Variants in DMRTB1 observed in about 807,000 individuals in gnomAD.
DMRTB1 encodes doublesex- and mab-3-related transcription factor B1.
A neutral mutation model predicts 25.2 loss-of-function variants in DMRTB1; 9 were observed. The observed-to-expected ratio is 0.36, with a 90% confidence interval of 0.22 to 0.62. The LOEUF (loss-of-function observed/expected upper bound fraction) is 0.62. DMRTB1 is among the 20% of genes least tolerant of loss of function. The pLI, the probability that DMRTB1 is intolerant of heterozygous loss-of-function variation, is 0.71. For missense variants in DMRTB1, 551 were observed against 499.3 expected (o/e 1.10, Z -0.99); for synonymous variants, 269 against 238.1 (o/e 1.13, Z -1.20).
chr1:53,466,766 A>G lies in DMRTB1; in HGVS notation c.*104A>G. The G allele has an allele frequency of 8.6e-7, 1 of 1,162,616 alleles. No individual in the cohort carries two copies. Among genetic ancestry groups the G allele is most frequent in the Non-Finnish European group, 1.3e-6 (1 of 789,776 alleles). 72.0% of individuals were successfully genotyped at this position (1,162,616 alleles called of 1,614,324 possible). Reference sequence around the variant, plus strand: ...ATATGTAGGGAGGAAGGAGGTTGATAGCATAGATGGCAACTGATTCCCAGT... The same window carrying G: ...ATATGTAGGGAGGAAGGAGGTTGATGGCATAGATGGCAACTGATTCCCAGT... On this transcript the variant is annotated 3_prime_UTR_variant, in exon 4 of 4. Coordinates refer to ENST00000371445, the MANE Select transcript of DMRTB1 (RefSeq NM_033067.3).
intron 3 of DMRTB1, among the ~76,000 whole-genome samples, chr1:53,466,370 A>C (rs142741634): frequency 0.016 from 2,425 of 152,292 alleles, 55 homozygotes; most frequent in African/African-American, 0.055. Context: ...GGGTGCCTGT[A>C]ATCCCAGCTA....
rs541348364 is a variant in DMRTB1 at position 53,459,979 on chromosome 1, G to A, written c.526G>A (p.Asp176Asn). ...AGGCAGTGGCTACCCTGGCCCCCTAGACCTGCGCAGGCCGATGCGGACCGT... is the reference window on the plus strand; with the variant it reads ...AGGCAGTGGCTACCCTGGCCCCCTAAACCTGCGCAGGCCGATGCGGACCGT... ...AAGSGYPGPL[D>N]LRRPMRTVPG... Residue 176 changes from aspartate to asparagine, a missense_variant, in exon 1 of 4, where the codon GAC becomes AAC. Coordinates refer to ENST00000371445, the MANE Select transcript of DMRTB1 (RefSeq NM_033067.3). The A allele has an allele frequency of 1.3e-6, 2 of 1,585,120 alleles. No homozygotes were observed. The highest frequency in any genetic ancestry group is 4.6e-5 in the East Asian group (2 of 43,648).
chr1:53,460,539 C>T (rs1353162296), intron 1 of DMRTB1: 3 of 153,336 alleles, frequency 2.0e-5, no homozygotes, highest in African/African-American at 7.2e-5. Flanking sequence ...CGCACCTCTT[C>T]CCTCCGTTTC....
chr1:53,464,643 G>A lies in DMRTB1; in HGVS notation c.757G>A (p.Glu253Lys). 1.9e-6 allele frequency: 3 copies of A among 1,613,396 alleles called. No individual in the cohort carries two copies. The South Asian group carries it at 3.3e-5, about 18-fold the overall frequency. Residue 253 changes from glutamate (E) to lysine (K), a missense_variant, in exon 3 of 4, where the codon GAA becomes AAA. Transcript: ENST00000371445. ...SQYQGGGLVS[E>K]PGGDFQPSYY... is the part of the protein sequence containing the mutation. ...TGCTGTGTGTGCCGTGCAGGTGTCA[G>A]AACCAGGAGGAGACTTCCAGCCAAG...
At chr1:53,460,768 C>G (rs1218019442) in intron 1 of DMRTB1, among the ~76,000 whole-genome samples, 1 of 152,200 alleles carries the variant, frequency 6.6e-6, no homozygotes. Context: ...TGGTGTCTCC[C>G]CCGTGGTGGT....
In DMRTB1 at chr1:53,460,267, T is replaced by C. The variant is rs532515910; in HGVS notation, c.577+237T>C. On this transcript the variant is annotated intron_variant, in intron 1 of 3. Coordinates refer to ENST00000371445, the MANE Select transcript of DMRTB1 (RefSeq NM_033067.3). ...GAGGGCTTTTAACATTTAGCTGTAGTTTGTGCCATTCCGGCATGCAAGAAC... is the reference window on the plus strand; with the variant it reads ...GAGGGCTTTTAACATTTAGCTGTAGCTTGTGCCATTCCGGCATGCAAGAAC... The C allele has an allele frequency of 2.9e-4, 149 of 515,084 alleles. 1 individual carries two copies. Among genetic ancestry groups the C allele is most frequent in the African/African-American group, 2.8e-3 (138 of 49,236 alleles). The allele number at this position is 515,084 out of a possible 1,614,324, so 31.9% of individuals were successfully genotyped here. A position where few individuals can be genotyped will look rare whatever the true frequency, so the allele number is the denominator to read the frequency against.
Position 53,459,975 on chromosome 1 carries a change from C to G in DMRTB1, c.522C>G (p.Pro174=), listed in dbSNP as rs1215755817. ...AEAAGSGYPG[P]LDLRRPMRTV... ...CCGCAGGCAGTGGCTACCCTGGCCC[C>G]CTAGACCTGCGCAGGCCGATGCGGA... Residue 174 remains proline, a synonymous_variant, in exon 1 of 4, where the codon CCC becomes CCG. Coordinates refer to ENST00000371445, the MANE Select transcript of DMRTB1 (RefSeq NM_033067.3). 6.3e-7 allele frequency: 1 copy of G among 1,584,498 alleles called. No individual in the cohort carries two copies. Among genetic ancestry groups the G allele is most frequent in the Admixed American group, 1.7e-5 (1 of 59,258 alleles).
In DMRTB1 at chr1:53,459,497, G is replaced by A; in HGVS notation, c.44G>A (p.Arg15Lys). 1 of 1,613,276 alleles carries A rather than the reference G, an allele frequency of 6.2e-7. No homozygotes were observed. Among genetic ancestry groups the A allele is most frequent in the Non-Finnish European group, 8.5e-7 (1 of 1,180,026 alleles). The change falls in exon 1 of 4, where the codon AGG (arginine) becomes AAG (lysine). Residue 15 changes from arginine (R) to lysine (K), a missense_variant. Arg to Lys is a conservative substitution (Grantham distance 26). Transcript: ENST00000371445. ...MVRTPKCSRC[R>K]NHGFLVPVKG... ...CGCACCCCCAAGTGCTCGAGATGCA[G>A]GAACCATGGCTTCCTGGTGCCCGTC...
chr1:53,466,489 T>G, intron 3 of DMRTB1, 106 bp from the exon 4 acceptor site: 1 of 1,177,050 alleles, frequency 8.5e-7, no homozygotes, highest in Non-Finnish European at 1.2e-6. Context: ...AGACTCTGTC[T>G]CAAAAAAATT....
At chr1:53,463,518 C>T (rs1456988970) in intron 2 of DMRTB1, among the ~76,000 whole-genome samples, 1 of 152,204 alleles carries the variant, frequency 6.6e-6, no homozygotes, top group African/African-American at 2.4e-5. Flanking sequence ...TAAGGCGATG[C>T]ATGTAAAATA....
intron 3 of DMRTB1, among the ~76,000 whole-genome samples, 194 bp downstream of exon 3, chr1:53,465,041 G>A (rs929650570): frequency 6.6e-6 from 1 of 152,212 alleles, no homozygotes; most frequent in African/African-American, 2.4e-5. Context: ...AGGTGGGAAT[G>A]GGATTCCAGG....
chr1:53,461,558 G>T lies in DMRTB1; in HGVS notation c.663G>T (p.Pro221=). The change falls in exon 2 of 4, where the codon CCG becomes CCT. Residue 221 remains proline (P), a synonymous_variant. Coordinates refer to ENST00000371445, the MANE Select transcript of DMRTB1 (RefSeq NM_033067.3). ...GCATGCACCCCTACTGCCCGTTCCC[G>T]CTGGGCTACCTGGACGCCCCTCCTG... ...GSSMHPYCPF[P]LGYLDAPPGV... is the part of the protein sequence containing the mutation. 6.2e-7 allele frequency: 1 copy of T among 1,611,816 alleles called. No homozygotes were observed. The highest frequency in any genetic ancestry group is 8.5e-7 in the Non-Finnish European group (1 of 1,179,098).
In DMRTB1 at chr1:53,466,674, G is replaced by A. The variant is rs375771195; in HGVS notation, c.*12G>A. 45 of 1,613,646 alleles carry A rather than the reference G, an allele frequency of 2.8e-5. No homozygotes were observed. The highest frequency in any genetic ancestry group is 5.0e-5 in the Admixed American group (3 of 59,914). Reference sequence around the variant, plus strand: ...AGCAGTCCGACTAGGCCCCAGGCCCGCCCTCCTGGCCAGCAGAGTGGGGCA... The same window carrying A: ...AGCAGTCCGACTAGGCCCCAGGCCCACCCTCCTGGCCAGCAGAGTGGGGCA... On this transcript the variant is annotated 3_prime_UTR_variant, in exon 4 of 4. Coordinates refer to ENST00000371445, the MANE Select transcript of DMRTB1 (RefSeq NM_033067.3).
At chr1:53,461,187 C>G (rs1173606798) in intron 1 of DMRTB1, among the ~76,000 whole-genome samples, 1 of 152,192 alleles carries the variant, frequency 6.6e-6, no homozygotes, top group Non-Finnish European at 1.5e-5. Context: ...AGGAGCTCGG[C>G]ACTGAGGCCT....
intron 3 of DMRTB1, among the ~76,000 whole-genome samples, 182 bp from the exon 4 acceptor site, chr1:53,466,413 C>A (rs970560276): frequency 5.3e-5 from 8 of 152,166 alleles, no homozygotes; most frequent in African/African-American, 1.7e-4. Context: ...ATTGCTTGAA[C>A]CTGGGAGGTG....
rs936609114 is a variant in DMRTB1, at chr1:53,459,730, G to T, written c.277G>T (p.Ala93Ser). ...AAPAPVPVPA[A>S]SLRPLSPGTP... ...CCCCGCCCCCGTCCCCGTCCCGGCC[G>T]CGAGCCTCCGCCCGCTGTCCCCGGG... Residue 93 changes from alanine (A) to serine (S), a missense_variant, in exon 1 of 4, where the codon GCG (alanine) becomes TCG (serine). Transcript: ENST00000371445. 3.8e-5 allele frequency: 51 copies of T among 1,329,872 alleles called. No individual in the cohort carries two copies. Among genetic ancestry groups the T allele is most frequent in the Non-Finnish European group, 4.7e-5 (49 of 1,041,208 alleles). 82.4% of individuals were successfully genotyped at this position (1,329,872 alleles called of 1,614,324 possible).
At chr1:53,465,240 G>A (rs775343414) in intron 3 of DMRTB1, among the ~76,000 whole-genome samples, 7 of 152,188 alleles carry the variant, frequency 4.6e-5, no homozygotes, top group Non-Finnish European at 1.0e-4. Flanking sequence ...CTCTCTAGCT[G>A]GGGTAGGGGA....
Position 53,466,646 on chromosome 1 carries a change from AG to A in DMRTB1, c.1015del (p.Glu339SerfsTer31), listed in dbSNP as rs1644051780. 13 of 1,614,222 alleles carry A rather than the reference AG, an allele frequency of 8.1e-6. No homozygotes were observed. Among genetic ancestry groups the A allele is most frequent in the Non-Finnish European group, 1.1e-5 (13 of 1,180,044 alleles). ...LSGEPSQPSS[Q>X]EQSD is the part of the protein sequence containing the mutation. Reference sequence around the variant, plus strand: ...GGTGAGCCCAGCCAGCCATCGTCTCAGGAGCAGTCCGACTAGGCCCCAGGCC... The same window carrying A: ...GGTGAGCCCAGCCAGCCATCGTCTCAGAGCAGTCCGACTAGGCCCCAGGCC... On this transcript the variant is annotated frameshift_variant, in exon 4 of 4. Transcript: ENST00000371445. LOFTEE classifies it high-confidence loss of function.
intron 1 of DMRTB1, among the ~76,000 whole-genome samples, chr1:53,460,873 C>T (rs1280993986): frequency 6.6e-6 from 1 of 152,238 alleles, no homozygotes; most frequent in Non-Finnish European, 1.5e-5. Flanking sequence ...GAGGCTCCCG[C>T]AGGCTCGTCC....
Sources: allele counts gnomAD v4.1 joint callset (sites outside exome capture counted in the v4.1 genomes callset), GRCh38; gene constraint gnomAD v4.1.1; transcripts MANE v1.5; gene names NCBI Gene and HGNC (gene_info 2026-07-23, HGNC 2026-07-21).